The following PKIB variants were observed in gnomAD, a reference collection of about 807,000 sequenced individuals.
PKIB encodes PKI-beta.
Under a neutral mutation model 4.5 loss-of-function variants are expected in PKIB, and 2 were observed. That is an observed-to-expected ratio of 0.44 (90% CI 0.18 to 1.39). PKIB has a LOEUF of 1.39. PKIB is among the 40% of genes most tolerant of loss of function. PKIB has a pLI of 0.27. For synonymous variants in PKIB, 38 were observed against 36.0 expected (o/e 1.06, Z -0.20); for missense variants, 94 against 92.6 (o/e 1.02, Z -0.06).
At chr6:122,710,902 G>C (rs1166145723) in intron 3 of PKIB, among the ~76,000 whole-genome samples, 1 of 152,150 alleles carries the variant, frequency 6.6e-6, no homozygotes. Flanking sequence ...ACAAATGAAA[G>C]TGAAGGAGTA....
At chr6:122,686,502 A>AT (rs1195721856) in intron 3 of PKIB, among the ~76,000 whole-genome samples, 1 of 150,834 alleles carries the variant, frequency 6.6e-6, no homozygotes, top group Non-Finnish European at 1.5e-5. Flanking sequence ...ATATATATAT[A>AT]TTTTTTATTT....
At chr6:122,655,290 A>G (rs1241836902) in intron 2 of PKIB, among the ~76,000 whole-genome samples, 1 of 152,208 alleles carries the variant, frequency 6.6e-6, no homozygotes, top group African/African-American at 2.4e-5. Context: ...CTCTCCACCT[A>G]AAAATGTTTA....
intron 3 of PKIB, among the ~76,000 whole-genome samples, chr6:122,690,932 A>ATATATATATAT (rs1278838118): frequency 2.9e-5 from 4 of 138,778 alleles, no homozygotes; most frequent in African/African-American, 1.1e-4. Flanking sequence ...ATATATATAT[A>ATATATATATAT]TTTTTTTTTT....
At chr6:122,607,771 G>A (rs1325336522), upstream of PKIB, among the ~76,000 whole-genome samples, 2 of 152,080 alleles carry the variant, frequency 1.3e-5, no homozygotes, top group Non-Finnish European at 2.9e-5. Context: ...TCACATTCTA[G>A]GGTCACAGGG....
rs974941346 is a variant in PKIB, at chr6:122,725,898, G to A, written c.*703G>A. 1 of 151,924 alleles carries A rather than the reference G, an allele frequency of 6.6e-6. No homozygotes were observed. The highest frequency in any genetic ancestry group is 6.6e-5 in the Admixed American group (1 of 15,238). 9.4% of individuals were successfully genotyped at this position (151,924 alleles called of 1,614,324 possible). A position where few individuals can be genotyped will look rare whatever the true frequency, so the allele number is the denominator to read the frequency against. ...AATTTTACTATCTTCCCTAACTTTG[G>A]TCTGTGTATGTGTGTGTGTTTTACT... On this transcript the variant is annotated 3_prime_UTR_variant, in exon 5 of 5. Coordinates refer to ENST00000368452, the MANE Select transcript of PKIB (RefSeq NM_181795.3).
intron 2 of PKIB, chr6:122,531,475 G>T (rs2114617640): frequency 1.3e-5 from 2 of 152,248 alleles, no homozygotes; most frequent in East Asian, 3.9e-4. Flanking sequence ...ATCAAATCCA[G>T]ACTCAATTTT....
At chr6:122,569,532 C>A (rs1773295170) in intron 2 of PKIB, among the ~76,000 whole-genome samples, 1 of 152,132 alleles carries the variant, frequency 6.6e-6, no homozygotes, top group Non-Finnish European at 1.5e-5. Context: ...CTTGAGAAAG[C>A]CAGCACACTA....
At chr6:122,522,698 G>T (rs62424312) in intron 2 of PKIB, among the ~76,000 whole-genome samples, 13,755 of 152,166 alleles carry the variant, frequency 0.09, 810 homozygotes, top group South Asian at 0.14. Context: ...CCCGGGTGAG[G>T]CAATGCCCCA....
chr6:122,668,676 T>C (rs1777328532), intron 2 of PKIB, among the ~76,000 whole-genome samples: 1 of 152,178 alleles, frequency 6.6e-6, no homozygotes, highest in African/African-American at 2.4e-5. Context: ...AGAAGAACCG[T>C]TGGAGGGCCT....
chr6:122,515,021 A>G, intron 2 of PKIB, among the ~76,000 whole-genome samples: 1 of 152,232 alleles, frequency 6.6e-6, no homozygotes, highest in Non-Finnish European at 1.5e-5. Context: ...GCTTATAGCG[A>G]TAAACTAACA....
intron 1 of PKIB, among the ~76,000 whole-genome samples, chr6:122,621,298 C>T (rs1775218096): frequency 6.6e-6 from 1 of 152,040 alleles, no homozygotes; most frequent in Admixed American, 6.5e-5. Context: ...AGTACCGTTC[C>T]CTAATCTTAA....
In PKIB at chr6:122,523,295, A is replaced by T. The variant is rs111753669; in HGVS notation, c.-248+45356A>T. On this transcript the variant is annotated intron_variant, in intron 2 of 6. Transcript: ENST00000392491. ...TCTGTTAATGAAGTGTATTACATTAATCTATTTCTGTGTGTTAAATTATCC... is the reference window on the plus strand; with the variant it reads ...TCTGTTAATGAAGTGTATTACATTATTCTATTTCTGTGTGTTAAATTATCC... Among the ~76,000 whole-genome samples the T allele has an allele frequency of 5.1e-3, 769 of 152,270 alleles. 7 individuals carry two copies. The highest frequency in any genetic ancestry group is 0.017 in the African/African-American group (716 of 41,538).
At chr6:122,588,479 A>C (rs1299109288) in intron 3 of PKIB, among the ~76,000 whole-genome samples, 1 of 152,132 alleles carries the variant, frequency 6.6e-6, no homozygotes, top group Non-Finnish European at 1.5e-5. Flanking sequence ...AGTCAATCCT[A>C]AGCCAAAAGA....
intron 2 of PKIB, among the ~76,000 whole-genome samples, chr6:122,505,072 C>T (rs1207078371): frequency 1.2e-4 from 18 of 152,132 alleles, no homozygotes; most frequent in South Asian, 2.1e-4. Context: ...GGAGGCAGTA[C>T]GTCATAGGCG....
chr6:122,674,264 C>T lies in PKIB; in HGVS notation c.-75-814C>T, dbSNP rs557619989. On this transcript the variant is annotated intron_variant, in intron 2 of 4. Transcript: ENST00000368452. Reference sequence around the variant, plus strand: ...TATATTTACTTTGAAATAATTCTACCTGACACCTGTGTAAAGAATGGATTT... The same window carrying T: ...TATATTTACTTTGAAATAATTCTACTTGACACCTGTGTAAAGAATGGATTT... Among the ~76,000 whole-genome samples the T allele has an allele frequency of 3.3e-5, 5 of 152,174 alleles. No homozygotes were observed. The South Asian group carries it at 6.2e-4, about 19-fold the overall frequency.
At chr6:122,674,271 C>A (rs1410228837) in intron 2 of PKIB, among the ~76,000 whole-genome samples, 2 of 152,008 alleles carry the variant, frequency 1.3e-5, no homozygotes, top group African/African-American at 2.4e-5. Context: ...TACCTGACAC[C>A]TGTGTAAAGA....
intron 2 of PKIB, among the ~76,000 whole-genome samples, chr6:122,571,581 T>C (rs1172030932): frequency 6.6e-6 from 1 of 152,184 alleles, no homozygotes; most frequent in African/African-American, 2.4e-5. Context: ...CCAGAAGGGA[T>C]TGGGGTCCTA....
At chr6:122,483,544 A>G (rs1333564333) in intron 2 of PKIB, 1 of 152,252 alleles carries the variant, frequency 6.6e-6, no homozygotes, top group Non-Finnish European at 1.5e-5. Flanking sequence ...ACAAAAGTTT[A>G]TTAACATATG....
chr6:122,642,297 T>G (rs1315560745), intron 2 of PKIB, among the ~76,000 whole-genome samples: 1 of 152,228 alleles, frequency 6.6e-6, no homozygotes, highest in Admixed American at 6.5e-5. Flanking sequence ...ATGACAGTGC[T>G]TGAAATATCC....
Sources: gnomAD v4.1 joint callset for allele counts (sites outside exome capture counted in the v4.1 genomes callset) on GRCh38, gnomAD v4.1.1 for gene constraint, MANE v1.5 for transcripts, NCBI Gene and HGNC (gene_info 2026-07-23, HGNC 2026-07-21) for gene names.